KAZN: variants seen among roughly 807,000 people sequenced by gnomAD.
KAZN encodes kazrin, periplakin interacting protein.
A neutral mutation model predicts 87.4 loss-of-function variants in KAZN; 40 were observed. The ratio of observed to expected loss-of-function variants is 0.46; its 90% confidence interval spans 0.36 to 0.60. KAZN has a LOEUF of 0.60. Among genes scored for constraint, KAZN ranks in the 20% least tolerant of loss-of-function variants. The probability of loss-of-function intolerance (pLI) is 0.00; values close to 1 mark genes in which losing one functional copy is unlikely to be tolerated. For missense variants in KAZN, 898 were observed against 1,073.9 expected (o/e 0.84, Z 2.29); for synonymous variants, 466 against 458.3 (o/e 1.02, Z -0.22).
chr1:14,009,261 G>A (rs896539394), intron 1 of KAZN, among the ~76,000 whole-genome samples: 1 of 152,178 alleles, frequency 6.6e-6, no homozygotes, highest in East Asian at 1.9e-4. Context: ...ACTGCTATGA[G>A]CATACCCATA....
At chr1:14,505,191 C>G (rs1014274324) in intron 2 of KAZN, among the ~76,000 whole-genome samples, 10 of 152,168 alleles carry the variant, frequency 6.6e-5, no homozygotes, top group African/African-American at 2.4e-4. Flanking sequence ...ATCTCTTGGT[C>G]CCATTCTAAA....
At chr1:14,498,908 G>A (rs1670094633) in intron 2 of KAZN, among the ~76,000 whole-genome samples, 1 of 151,934 alleles carries the variant, frequency 6.6e-6, no homozygotes, top group Non-Finnish European at 1.5e-5. Context: ...CTGGGGACCT[G>A]GGGACAGTAA....
intron 1 of KAZN, among the ~76,000 whole-genome samples, chr1:14,723,722 T>A (rs115367132): frequency 0.013 from 1,925 of 152,286 alleles, 53 homozygotes; most frequent in African/African-American, 0.044. Flanking sequence ...GGGAGTGCAG[T>A]GACTCAAAAC....
chr1:13,945,710 T>TGTGTGTGTGTGTGTGTGTGA (rs757118365), intron 1 of KAZN, among the ~76,000 whole-genome samples: 1 of 137,270 alleles, frequency 7.3e-6, no homozygotes, highest in East Asian at 2.3e-4. Flanking sequence ...TGTGTGTGTG[T>TGTGTGTGTGTGTGTGTGTGA]GAGAGAGAGA....
intron 1 of KAZN, among the ~76,000 whole-genome samples, chr1:14,018,020 G>A (rs1349956695): frequency 6.6e-6 from 1 of 152,164 alleles, no homozygotes; most frequent in Non-Finnish European, 1.5e-5. Flanking sequence ...ACTCATTTAA[G>A]CCTCAACACT....
chr1:14,078,659 A>G (rs1023890166), intron 1 of KAZN, among the ~76,000 whole-genome samples: 2 of 151,878 alleles, frequency 1.3e-5, no homozygotes, highest in Non-Finnish European at 2.9e-5. Flanking sequence ...ACAGGATGGA[A>G]GGGGCAAGGC....
rs150773640 is a variant in KAZN at position 13,933,219 on chromosome 1, G to T, written c.91+39463G>T. Among the ~76,000 whole-genome samples the T allele has an allele frequency of 2.0e-5, 3 of 151,742 alleles. 1 individual carries two copies. The highest frequency in any genetic ancestry group is 3.9e-4 in the East Asian group (2 of 5,170). ...ATTAAAAAATATTCATCGGCCGGGC[G>T]CAGTGGCTCACATCTGTAATACCAG... is the stretch of plus-strand genomic sequence containing the variant. On this transcript the variant is annotated intron_variant, in intron 1 of 16. Transcript: ENST00000636203.
intron 1 of KAZN, among the ~76,000 whole-genome samples, chr1:13,969,842 C>T (rs1642074699): frequency 6.6e-6 from 1 of 152,162 alleles, no homozygotes; most frequent in South Asian, 2.1e-4. Flanking sequence ...GAATTTTGGA[C>T]TGCATTGTCT....
chr1:15,079,737 A>G (rs1639911891), intron 8 of KAZN, among the ~76,000 whole-genome samples: 1 of 152,186 alleles, frequency 6.6e-6, no homozygotes, highest in African/African-American at 2.4e-5. Flanking sequence ...ACATGTCAGA[A>G]AAGAGGAGTC....
intron 2 of KAZN, among the ~76,000 whole-genome samples, chr1:14,420,135 C>A (rs1192702033): frequency 6.6e-6 from 1 of 152,176 alleles, no homozygotes; most frequent in African/African-American, 2.4e-5. Flanking sequence ...CTGAGCTAGA[C>A]ACAAAAGTTC....
chr1:13,956,058 G>C (rs1641534850), intron 1 of KAZN, among the ~76,000 whole-genome samples: 1 of 152,214 alleles, frequency 6.6e-6, no homozygotes, highest in Non-Finnish European at 1.5e-5. Flanking sequence ...CTGGATGAAT[G>C]AGTGATGGGT....
intron 1 of KAZN, among the ~76,000 whole-genome samples, chr1:14,901,710 C>G (rs951058845): frequency 6.6e-6 from 1 of 152,176 alleles, no homozygotes; most frequent in African/African-American, 2.4e-5. Flanking sequence ...CAGGTCACAT[C>G]CCCAAAACAG....
intron 1 of KAZN, among the ~76,000 whole-genome samples, chr1:14,870,589 C>T (rs946381846): frequency 1.3e-5 from 2 of 152,186 alleles, no homozygotes; most frequent in Non-Finnish European, 2.9e-5. Flanking sequence ...GATCTGCCCA[C>T]CTTGGCTTCC....
At chr1:14,564,649 C>CA (rs111282866) in intron 2 of KAZN, among the ~76,000 whole-genome samples, 108,801 of 142,604 alleles carry the variant, frequency 0.76, 41,267 homozygotes, top group Admixed American at 0.81. Flanking sequence ...ACTAAAAATA[C>CA]AAAAAAAAAA....
chr1:14,292,533 C>T (rs1250069326), intron 2 of KAZN, among the ~76,000 whole-genome samples: 1 of 152,106 alleles, frequency 6.6e-6, no homozygotes, highest in Non-Finnish European at 1.5e-5. Flanking sequence ...TGATCCATGT[C>T]CAGGGAGTGA....
chr1:14,876,553 G>A (rs1652789195), intron 1 of KAZN, among the ~76,000 whole-genome samples: 1 of 152,162 alleles, frequency 6.6e-6, no homozygotes, highest in South Asian at 2.1e-4. Flanking sequence ...AGGGAGTGGG[G>A]TCTGGAGCTG....
intron 8 of KAZN, among the ~76,000 whole-genome samples, chr1:15,090,470 G>A (rs1218794293): frequency 4.6e-5 from 7 of 152,212 alleles, no homozygotes; most frequent in South Asian, 2.1e-4. Context: ...AAGCCATGCC[G>A]GTCCGTGGGA....
intron 2 of KAZN, among the ~76,000 whole-genome samples, chr1:14,550,660 A>G (rs1163845344): frequency 1.3e-5 from 2 of 151,202 alleles, no homozygotes; most frequent in East Asian, 3.9e-4. Flanking sequence ...AATTAGCAGC[A>G]GACAAAACCT....
At chr1:14,671,641 T>TC (rs1458436791) in intron 1 of KAZN, among the ~76,000 whole-genome samples, 2 of 146,952 alleles carry the variant, frequency 1.4e-5, no homozygotes, top group Admixed American at 6.7e-5. Context: ...GGGCCCATCC[T>TC]TTTTTTTTTA....
Sources: allele counts gnomAD v4.1 joint callset (sites outside exome capture counted in the v4.1 genomes callset), GRCh38; gene constraint gnomAD v4.1.1; transcripts MANE v1.5; gene names NCBI Gene and HGNC (gene_info 2026-07-23, HGNC 2026-07-21).